NYAP2: variants seen among roughly 807,000 people sequenced by gnomAD.
NYAP2 encodes neuronal tyrosine-phosphorylated phosphoinositide-3-kinase adaptor 2, also known as neuronal tyrosine-phosphorylated phosphoinositide-3-kinase adapter 2.
A neutral mutation model predicts 50.4 loss-of-function variants in NYAP2; 23 were observed. The ratio of observed to expected loss-of-function variants is 0.46; its 90% CI spans 0.33 to 0.65. The LOEUF is 0.65. NYAP2 is among the 30% of genes least tolerant of loss of function. The probability of loss-of-function intolerance (pLI) is 0.02; values close to 1 mark genes in which losing one functional copy is unlikely to be tolerated. For synonymous variants in NYAP2, 394 were observed against 365.2 expected (o/e 1.08, Z -0.90); for missense variants, 885 against 861.0 (o/e 1.03, Z -0.35).
intron 4 of NYAP2, among the ~76,000 whole-genome samples, chr2:225,560,603 A>G (rs150959283): frequency 1.6e-3 from 246 of 152,226 alleles, no homozygotes; most frequent in African/African-American, 5.6e-3. Context: ...TATCAATAGT[A>G]TATTGCATTT....
intron 4 of NYAP2, among the ~76,000 whole-genome samples, chr2:225,521,314 A>G (rs1027954700): frequency 5.3e-5 from 8 of 151,764 alleles, no homozygotes; most frequent in African/African-American, 1.9e-4. Context: ...CACTATGTTG[A>G]ATAGGAGTGC....
At chr2:225,578,700 A>C (rs900441346) in intron 4 of NYAP2, among the ~76,000 whole-genome samples, 2 of 152,188 alleles carry the variant, frequency 1.3e-5, no homozygotes, top group Admixed American at 1.3e-4. Flanking sequence ...GGAGAAACTT[A>C]AGCGGCTTGG....
At chr2:225,423,593 C>T (rs1157199102) in intron 3 of NYAP2, among the ~76,000 whole-genome samples, 2 of 152,112 alleles carry the variant, frequency 1.3e-5, no homozygotes, top group South Asian at 4.1e-4. Context: ...ACAGATCTCT[C>T]ATATTGTGGC....
intron 3 of NYAP2, among the ~76,000 whole-genome samples, chr2:225,505,128 T>C (rs1690682907): frequency 1.3e-5 from 2 of 152,216 alleles, no homozygotes. Flanking sequence ...TATTTTGTTT[T>C]TCTATAACAG....
chr2:225,510,779 TTGTGTG>T (rs146231874), intron 3 of NYAP2, among the ~76,000 whole-genome samples: 31 of 148,496 alleles, frequency 2.1e-4, no homozygotes, highest in Middle Eastern at 3.5e-3. Context: ...GTTAATGTGT[TTGTGTG>T]TGTGTGTGTG....
chr2:225,639,347 C>T (rs1693484152), intron 6 of NYAP2, among the ~76,000 whole-genome samples: 1 of 152,246 alleles, frequency 6.6e-6, no homozygotes, highest in Non-Finnish European at 1.5e-5. Flanking sequence ...TTATCTGTGA[C>T]CTGTTTAAAA....
chr2:225,439,720 A>G (rs541563928), intron 3 of NYAP2, among the ~76,000 whole-genome samples: 19 of 152,344 alleles, frequency 1.2e-4, no homozygotes, highest in Admixed American at 7.2e-4. Context: ...AGCAAATGTC[A>G]GGAAGCTCAA....
chr2:225,427,565 TTCCCTGTCCAAG>T (rs1307944103), intron 3 of NYAP2, among the ~76,000 whole-genome samples: 1 of 152,294 alleles, frequency 6.6e-6, no homozygotes, highest in East Asian at 1.9e-4. Flanking sequence ...GTGTGGCTCC[TTCCCTGTCCAAG>T]TCCCTGTGGC....
the NYAP2 span, among the ~76,000 whole-genome samples, chr2:225,667,469 A>G: frequency 2.0e-5 from 3 of 152,168 alleles, no homozygotes; most frequent in African/African-American, 7.2e-5. Flanking sequence ...AAAAATGATT[A>G]GGGGATGAAG....
intron 3 of NYAP2, among the ~76,000 whole-genome samples, chr2:225,436,052 C>T (rs1020510991): frequency 6.6e-6 from 1 of 152,168 alleles, no homozygotes; most frequent in African/African-American, 2.4e-5. Flanking sequence ...GCACCAGACA[C>T]TGTAGTTTGC....
At chr2:225,678,140 C>G in the NYAP2 span, among the ~76,000 whole-genome samples, 1 of 151,922 alleles carries the variant, frequency 6.6e-6, no homozygotes, top group African/African-American at 2.4e-5. Context: ...CTGATTGAAT[C>G]TTTGGAGGCT....
At chr2:225,406,752 T>C (rs757714543) in intron 2 of NYAP2, among the ~76,000 whole-genome samples, 27 of 152,006 alleles carry the variant, frequency 1.8e-4, no homozygotes, top group Non-Finnish European at 3.7e-4. Flanking sequence ...AAATACTTTA[T>C]AATATTATTA....
chr2:225,525,082 A>G (rs1194248749), intron 4 of NYAP2, among the ~76,000 whole-genome samples: 1 of 152,198 alleles, frequency 6.6e-6, no homozygotes, highest in African/African-American at 2.4e-5. Context: ...AAGTTAAAAA[A>G]TGGATGTTGG....
chr2:225,680,209 A>G, the NYAP2 span, among the ~76,000 whole-genome samples: 8 of 152,214 alleles, frequency 5.3e-5, no homozygotes. Flanking sequence ...TTTTAAGAAA[A>G]TTGCACAAAG....
chr2:225,489,044 T>C (rs1690358342), intron 3 of NYAP2, among the ~76,000 whole-genome samples: 2 of 152,212 alleles, frequency 1.3e-5, no homozygotes, highest in African/African-American at 2.4e-5. Context: ...ATTTCATGAC[T>C]GATGATGTCA....
chr2:225,600,354 C>T (rs1325655837), intron 5 of NYAP2, among the ~76,000 whole-genome samples: 1 of 151,996 alleles, frequency 6.6e-6, no homozygotes, highest in Non-Finnish European at 1.5e-5. Context: ...TGATGTTATC[C>T]CCAAGAGCAA....
At chr2:225,591,775 ATTCACCAATT>A (rs374070715) in intron 5 of NYAP2, among the ~76,000 whole-genome samples, 1 of 152,266 alleles carries the variant, frequency 6.6e-6, no homozygotes, top group African/African-American at 2.4e-5. Flanking sequence ...TCTCTCCAAA[ATTCACCAATT>A]TTCATCAAAA....
intron 5 of NYAP2, among the ~76,000 whole-genome samples, chr2:225,616,368 G>A (rs537709302): frequency 4.6e-5 from 7 of 152,302 alleles, no homozygotes; most frequent in African/African-American, 1.7e-4. Context: ...GGAGGCACAG[G>A]GCCTTTGCCC....
intron 4 of NYAP2, among the ~76,000 whole-genome samples, chr2:225,552,492 G>A (rs779684810): frequency 1.3e-5 from 2 of 152,108 alleles, no homozygotes; most frequent in African/African-American, 2.4e-5. Context: ...AGGTGATCAG[G>A]CCATGAGGAT....
Sources: allele counts gnomAD v4.1 joint callset (sites outside exome capture counted in the v4.1 genomes callset), GRCh38; gene constraint gnomAD v4.1.1; transcripts MANE v1.5; gene names NCBI Gene and HGNC (gene_info 2026-07-23, HGNC 2026-07-21).